RAPGEF2: variants seen among roughly 807,000 people sequenced by gnomAD.
RAPGEF2 encodes PDZ domain containing guanine nucleotide exchange factor (GEF) 1.
A neutral mutation model predicts 186.7 loss-of-function variants in RAPGEF2; 54 were observed. The ratio of observed to expected loss-of-function variants is 0.29; its 90% CI spans 0.23 to 0.36. RAPGEF2 has a LOEUF of 0.36. Ranked by LOEUF, RAPGEF2 falls within the 10% of genes least tolerant of loss-of-function variation. RAPGEF2 has a pLI of 1.00. For missense variants in RAPGEF2, 1,532 were observed against 2,045.0 expected (o/e 0.75, Z 4.84); for synonymous variants, 712 against 705.9 (o/e 1.01, Z -0.14).
At chr4:159,320,260 T>C (rs1387876943) in intron 9 of RAPGEF2, among the ~76,000 whole-genome samples, 1 of 152,118 alleles carries the variant, frequency 6.6e-6, no homozygotes, top group African/African-American at 2.4e-5. Context: ...GGTCAATGCA[T>C]TGGTAAAACA....
At chr4:159,260,396 A>T (rs1224857946) in intron 7 of RAPGEF2, among the ~76,000 whole-genome samples, 1 of 151,896 alleles carries the variant, frequency 6.6e-6, no homozygotes, top group African/African-American at 2.4e-5. Context: ...TTATCCCCAA[A>T]CAGTTTTGTT....
intron 4 of RAPGEF2, among the ~76,000 whole-genome samples, chr4:159,214,885 T>G (rs146652122): frequency 2.6e-5 from 4 of 152,290 alleles, no homozygotes; most frequent in African/African-American, 9.6e-5. Flanking sequence ...GAGGGAGTTG[T>G]GGAGTCTTAC....
chr4:159,224,785 A>G (rs1751862469), intron 4 of RAPGEF2, among the ~76,000 whole-genome samples: 1 of 152,194 alleles, frequency 6.6e-6, no homozygotes, highest in Non-Finnish European at 1.5e-5. Flanking sequence ...CCTTATCTTA[A>G]TGGTCTCTGT....
intron 4 of RAPGEF2, among the ~76,000 whole-genome samples, chr4:159,231,674 T>C (rs1752660926): frequency 1.3e-5 from 2 of 152,158 alleles, no homozygotes; most frequent in Admixed American, 1.3e-4. Context: ...GCTCCAAAAC[T>C]TGAAATTTTT....
At chr4:159,273,984 G>C (rs1281458460) in intron 7 of RAPGEF2, among the ~76,000 whole-genome samples, 2 of 152,060 alleles carry the variant, frequency 1.3e-5, no homozygotes, top group African/African-American at 4.8e-5. Flanking sequence ...TACAGGTGGG[G>C]TTTCGCCATG....
intron 26 of RAPGEF2, 94 bp downstream of exon 26, chr4:159,350,383 T>C (rs534350607): frequency 1.9e-6 from 2 of 1,077,324 alleles, no homozygotes; most frequent in East Asian, 5.8e-5. Context: ...ATTCCTAACA[T>C]TATAGTCATT....
At chr4:159,335,187 A>G (rs1019781994) in intron 17 of RAPGEF2, among the ~76,000 whole-genome samples, 1 of 152,184 alleles carries the variant, frequency 6.6e-6, no homozygotes, top group Non-Finnish European at 1.5e-5. Flanking sequence ...TTGGCAAGGT[A>G]GGCACAATCG....
intron 1 of RAPGEF2, among the ~76,000 whole-genome samples, chr4:159,139,553 T>TG (rs1167424112): frequency 6.6e-6 from 1 of 152,100 alleles, no homozygotes; most frequent in African/African-American, 2.4e-5. Flanking sequence ...CTGAAATACA[T>TG]GGAGTGTGAT....
At chr4:159,213,471 C>T (rs1247328037) in intron 4 of RAPGEF2, among the ~76,000 whole-genome samples, 1 of 152,138 alleles carries the variant, frequency 6.6e-6, no homozygotes, top group Non-Finnish European at 1.5e-5. Context: ...GGGTAATTCA[C>T]CTTGAAAGTA....
intron 17 of RAPGEF2, among the ~76,000 whole-genome samples, chr4:159,336,247 G>T (rs1257570021): frequency 6.6e-6 from 1 of 151,664 alleles, no homozygotes; most frequent in Non-Finnish European, 1.5e-5. Flanking sequence ...GGTGAATTCT[G>T]GGATTTTAGT....
intron 1 of RAPGEF2, among the ~76,000 whole-genome samples, chr4:159,128,274 T>C (rs1740599870): frequency 6.6e-6 from 1 of 152,196 alleles, no homozygotes; most frequent in Admixed American, 6.5e-5. Flanking sequence ...AGAGAGGGAC[T>C]GATGTTGTAT....
intron 1 of RAPGEF2, among the ~76,000 whole-genome samples, chr4:159,143,568 TGTA>T (rs1742585841): frequency 6.6e-6 from 1 of 152,212 alleles, no homozygotes; most frequent in African/African-American, 2.4e-5. Flanking sequence ...TGTGATATAA[TGTA>T]GTTTATTTTG....
At chr4:159,255,787 A>T (rs1234050151) in intron 7 of RAPGEF2, among the ~76,000 whole-genome samples, 5 of 152,118 alleles carry the variant, frequency 3.3e-5, no homozygotes, top group African/African-American at 1.2e-4. Flanking sequence ...TTGGATTATT[A>T]ATATCTTGTT....
intron 7 of RAPGEF2, among the ~76,000 whole-genome samples, chr4:159,250,950 G>GTGCGCCACGCTCATGGGCCA: frequency 6.6e-6 from 1 of 152,352 alleles, no homozygotes; most frequent in Non-Finnish European, 1.5e-5. Flanking sequence ...AACCTGGGCT[G>GTGCGCCACGCTCATGGGCCA]TGCGCCACGC....
chr4:159,245,145 T>G (rs2111489280), intron 7 of RAPGEF2, among the ~76,000 whole-genome samples: 1 of 152,208 alleles, frequency 6.6e-6, no homozygotes, highest in South Asian at 2.1e-4. Context: ...TAATGTACAC[T>G]TTTTAAAATT....
intron 1 of RAPGEF2, among the ~76,000 whole-genome samples, chr4:159,174,736 T>C (rs933940639): frequency 6.6e-6 from 1 of 150,962 alleles, no homozygotes; most frequent in Non-Finnish European, 1.5e-5. Flanking sequence ...TCTAGCATTC[T>C]TCATACATGT....
chr4:159,300,501 A>G (rs562501482), intron 7 of RAPGEF2, among the ~76,000 whole-genome samples: 1 of 152,184 alleles, frequency 6.6e-6, no homozygotes, highest in Admixed American at 6.5e-5. Flanking sequence ...GATTCCTTGG[A>G]ATTGTGTTCT....
chr4:159,348,497 C>T (rs1730720983), intron 25 of RAPGEF2, among the ~76,000 whole-genome samples: 1 of 152,146 alleles, frequency 6.6e-6, no homozygotes, highest in Non-Finnish European at 1.5e-5. Context: ...AAGAAAAGAA[C>T]ACCTTTCCTA....
intron 4 of RAPGEF2, among the ~76,000 whole-genome samples, chr4:159,227,843 G>A (rs1402796708): frequency 6.6e-6 from 1 of 152,074 alleles, no homozygotes; most frequent in Non-Finnish European, 1.5e-5. Flanking sequence ...ATTTATTCTA[G>A]TATTTTCCAT....
Sources: allele counts gnomAD v4.1 joint callset (sites outside exome capture counted in the v4.1 genomes callset), GRCh38; gene constraint gnomAD v4.1.1; transcripts MANE v1.5; gene names NCBI Gene and HGNC (gene_info 2026-07-23, HGNC 2026-07-21).